Variants in CLSTN2 observed in about 807,000 individuals in gnomAD.
The protein encoded by CLSTN2 is calsyntenin 2, also known as calsyntenin-2.
In CLSTN2, 48 loss-of-function variants were observed where a neutral mutation model predicts 101.2. That is an observed-to-expected ratio of 0.47 (90% confidence interval 0.38 to 0.60). The LOEUF (loss-of-function observed/expected upper bound fraction) is 0.60. CLSTN2 is among the 20% of genes least tolerant of loss of function. The pLI is 0.00. For synonymous variants in CLSTN2, 481 were observed against 463.6 expected, an observed-to-expected ratio of 1.04 and a Z score of -0.48; for missense variants, 1,160 against 1,238.2, an observed-to-expected ratio of 0.94 and a Z score of 0.95.
In CLSTN2 at chr3:140,190,894, C is replaced by T. The variant is rs528021235; in HGVS notation, c.232+14821C>T. 1.4e-4 allele frequency among the ~76,000 whole-genome samples: 21 copies of T among 151,966 alleles called. No homozygotes were observed. In the South Asian group the frequency reaches 3.1e-3, roughly 23 times the overall value. ...GAGTTTTATGTCTTCCTTTCTGATC[C>T]TTTGGGTTTTATTTCCTTTTTATTG... On this transcript the variant is annotated intron_variant, in intron 2 of 16. Coordinates refer to ENST00000458420, the MANE Select transcript of CLSTN2 (RefSeq NM_022131.3).
At chr3:140,372,825 T>C (rs1293167236) in intron 2 of CLSTN2, among the ~76,000 whole-genome samples, 2 of 152,200 alleles carry the variant, frequency 1.3e-5, no homozygotes, top group Non-Finnish European at 2.9e-5. Context: ...ACACCTGTAA[T>C]GTCAGCTCTT....
intron 1 of CLSTN2, among the ~76,000 whole-genome samples, chr3:140,072,021 A>G (rs7619286): frequency 0.12 from 17,637 of 152,172 alleles, 1,780 homozygotes; most frequent in African/African-American, 0.27. Context: ...TCCCATGCAT[A>G]GTTTGAAAGA....
At chr3:140,352,936 G>T (rs1010298031) in intron 2 of CLSTN2, among the ~76,000 whole-genome samples, 2 of 152,078 alleles carry the variant, frequency 1.3e-5, no homozygotes, top group South Asian at 4.1e-4. Flanking sequence ...AACCAAACTT[G>T]CATGGTAAAT....
chr3:139,989,029 G>A (rs751968804), intron 1 of CLSTN2, among the ~76,000 whole-genome samples: 2 of 152,178 alleles, frequency 1.3e-5, no homozygotes, highest in African/African-American at 2.4e-5. Flanking sequence ...ACCTGAGACA[G>A]CTCCTTCAAT....
intron 2 of CLSTN2, among the ~76,000 whole-genome samples, chr3:140,335,059 A>C (rs7611205): frequency 1.3e-5 from 2 of 152,020 alleles, no homozygotes; most frequent in Non-Finnish European, 2.9e-5. Context: ...CTGGATCCTT[A>C]CCCTGGCCAG....
chr3:139,936,531 C>T (rs1203439192), intron 1 of CLSTN2, among the ~76,000 whole-genome samples: 1 of 152,162 alleles, frequency 6.6e-6, no homozygotes, highest in Non-Finnish European at 1.5e-5. Flanking sequence ...CCAAATCCTG[C>T]CTGGCAATCA....
chr3:140,090,791 G>A (rs1432292341), intron 1 of CLSTN2, among the ~76,000 whole-genome samples: 1 of 152,148 alleles, frequency 6.6e-6, no homozygotes, highest in African/African-American at 2.4e-5. Context: ...TCAGAAGCAG[G>A]CTGGACATAG....
intron 2 of CLSTN2, among the ~76,000 whole-genome samples, chr3:140,208,325 A>C: frequency 6.6e-6 from 1 of 152,220 alleles, no homozygotes; most frequent in East Asian, 1.9e-4. Context: ...TTACTGCCTC[A>C]GAAATATTTA....
At chr3:140,199,592 G>A (rs1464927502) in intron 2 of CLSTN2, among the ~76,000 whole-genome samples, 2 of 152,200 alleles carry the variant, frequency 1.3e-5, no homozygotes, top group African/African-American at 4.8e-5. Flanking sequence ...TGCCCACCTG[G>A]TTATTGTCAT....
rs1351142451 is a variant in CLSTN2 at position 140,452,723 on chromosome 3, T to A, written c.973+4019T>A. The A allele has an allele frequency of 2.0e-5, 3 of 152,322 alleles. No homozygotes were observed. In the East Asian group the frequency reaches 5.8e-4, roughly 29 times the overall value. The allele number at this position is 152,322 out of a possible 1,614,324, so 9.4% of individuals were successfully genotyped here. On this transcript the variant is annotated intron_variant, in intron 6 of 16. Coordinates refer to ENST00000458420, the MANE Select transcript of CLSTN2 (RefSeq NM_022131.3). The stretch of plus-strand genomic sequence containing the variant: ...TTTGGGCCTAGGGAAGCATTGGATG[T>A]CAGGCATATTGCTTCATGGGTTTAT...
At chr3:140,224,471 G>A (rs1559811205) in intron 2 of CLSTN2, among the ~76,000 whole-genome samples, 1 of 152,210 alleles carries the variant, frequency 6.6e-6, no homozygotes, top group African/African-American at 2.4e-5. Flanking sequence ...GGAACATAAT[G>A]AGGAGCCCTG....
chr3:140,438,431 TAAAAA>T lies in CLSTN2; in HGVS notation c.788-10070_788-10066del, dbSNP rs60186664. ...CCACCTAGGAAAATGGTCCTTTCAT[TAAAAA>T]AAAAAAAAAAAAAAAAAGCTTTGAA... On this transcript the variant is annotated intron_variant, in intron 5 of 16. Coordinates refer to ENST00000458420, the MANE Select transcript of CLSTN2 (RefSeq NM_022131.3). 6.6e-5 allele frequency among the ~76,000 whole-genome samples: 3 copies of T among 45,678 alleles called. 1 individual carries two copies. The highest frequency in any genetic ancestry group is 2.1e-3 in the East Asian group (2 of 944). The allele number at this position is 45,678 out of a possible 152,430, so 30.0% of individuals were successfully genotyped here. A position where few individuals can be genotyped will look rare whatever the true frequency, so the allele number is the denominator to read the frequency against.
chr3:140,164,170 T>A (rs1412172224), intron 1 of CLSTN2, among the ~76,000 whole-genome samples: 2 of 152,156 alleles, frequency 1.3e-5, no homozygotes, highest in Non-Finnish European at 2.9e-5. Flanking sequence ...TGCCCCTTTT[T>A]ATTCGAAATG....
At chr3:140,052,346 C>T (rs987897821) in intron 1 of CLSTN2, among the ~76,000 whole-genome samples, 2 of 152,126 alleles carry the variant, frequency 1.3e-5, no homozygotes, top group African/African-American at 4.8e-5. Context: ...TTTAGTAAGA[C>T]AGGGTTTTAC....
chr3:140,556,754 G>A (rs1404196157), intron 11 of CLSTN2, 93 bp downstream of exon 11: 1 of 1,313,496 alleles, frequency 7.6e-7, no homozygotes, highest in Non-Finnish European at 1.1e-6. Context: ...CACAAAACAG[G>A]AGTTGCCTTT....
rs989534882 is a variant in CLSTN2 at position 140,249,445 on chromosome 3, T to A, written c.232+73372T>A. On this transcript the variant is annotated intron_variant, in intron 2 of 16. Coordinates refer to ENST00000458420, the MANE Select transcript of CLSTN2 (RefSeq NM_022131.3). ...GGGGGCTGGAGCTCTCAGGAGGAAA[T>A]GACAAGGCAAGGTTGGGGCAGGTCA... Among the ~76,000 whole-genome samples the A allele has an allele frequency of 5.3e-5, 8 of 152,198 alleles. No homozygotes were observed. In the South Asian group the frequency reaches 1.4e-3, roughly 28 times the overall value.
chr3:140,106,008 C>T (rs983361082), intron 1 of CLSTN2, among the ~76,000 whole-genome samples: 2 of 152,328 alleles, frequency 1.3e-5, no homozygotes, highest in Admixed American at 6.5e-5. Context: ...AACGTGGTAA[C>T]TTCCCTAGGA....
At chr3:139,972,339 G>A (rs1026623364) in intron 1 of CLSTN2, among the ~76,000 whole-genome samples, 2 of 152,098 alleles carry the variant, frequency 1.3e-5, no homozygotes, top group African/African-American at 4.8e-5. Context: ...ACTCTTTCAG[G>A]CATCCTAAAA....
At chr3:140,168,302 C>G (rs2107823930) in intron 1 of CLSTN2, among the ~76,000 whole-genome samples, 1 of 152,200 alleles carries the variant, frequency 6.6e-6, no homozygotes, top group African/African-American at 2.4e-5. Flanking sequence ...TTTTTATGCT[C>G]TAATTTGCTG....
Sources: allele counts gnomAD v4.1 joint callset (sites outside exome capture counted in the v4.1 genomes callset), GRCh38; gene constraint gnomAD v4.1.1; transcripts MANE v1.5; gene names NCBI Gene and HGNC (gene_info 2026-07-23, HGNC 2026-07-21).